The following NKAIN2 variants were observed in gnomAD, a reference collection of about 807,000 sequenced individuals.
NKAIN2 encodes the protein sodium/potassium transporting ATPase interacting 2, also known as sodium/potassium-transporting ATPase subunit beta-1-interacting protein 2.
NKAIN2 carries 14 observed loss-of-function variants against 32.6 expected under a neutral mutation model. That is an observed-to-expected ratio of 0.43 (90% CI 0.28 to 0.67). The LOEUF is 0.67. NKAIN2 is among the 30% of genes least tolerant of loss of function. NKAIN2 has a pLI of 0.17. For synonymous variants in NKAIN2, 80 were observed against 87.2 expected (o/e 0.92, Z 0.46); for missense variants, 198 against 258.3 (o/e 0.77, Z 1.60).
At chr6:124,555,425 C>T (rs979552220) in intron 3 of NKAIN2, among the ~76,000 whole-genome samples, 1 of 152,158 alleles carries the variant, frequency 6.6e-6, no homozygotes, top group Non-Finnish European at 1.5e-5. Flanking sequence ...TACAACATTC[C>T]CTCTAACTAT....
At chr6:124,243,074 A>ATAAAAG (rs1212871080) in intron 1 of NKAIN2, among the ~76,000 whole-genome samples, 11 of 151,772 alleles carry the variant, frequency 7.2e-5, no homozygotes, top group Non-Finnish European at 1.6e-4. Flanking sequence ...GTAAAAGGAG[A>ATAAAAG]TAAAAGTGAG....
chr6:124,132,541 C>G (rs1227936821), intron 1 of NKAIN2, among the ~76,000 whole-genome samples: 1 of 152,212 alleles, frequency 6.6e-6, no homozygotes, highest in East Asian at 1.9e-4. Context: ...TAACACTGGT[C>G]CCGGGAAAGA....
intron 3 of NKAIN2, among the ~76,000 whole-genome samples, chr6:124,656,751 C>T (rs761071310): frequency 7.2e-5 from 11 of 152,120 alleles, no homozygotes; most frequent in Middle Eastern, 3.2e-3. Context: ...AGAAAACCCA[C>T]GTTAGCTCTC....
chr6:124,780,932 C>T (rs1436111821), intron 4 of NKAIN2, among the ~76,000 whole-genome samples: 1 of 152,108 alleles, frequency 6.6e-6, no homozygotes, highest in African/African-American at 2.4e-5. Context: ...CTACATGCTC[C>T]AGGTTTCCCA....
Position 124,592,226 on chromosome 6 carries a change from C to A in NKAIN2, c.274-65960C>A, listed in dbSNP as rs189794252. 3.9e-5 allele frequency among the ~76,000 whole-genome samples: 6 copies of A among 152,180 alleles called. No individual in the cohort carries two copies. In the East Asian group the frequency reaches 7.7e-4, roughly 20 times the overall value. On this transcript the variant is annotated intron_variant, in intron 3 of 6. Transcript: ENST00000368417. ...AGCTTTGAGGACAAAACAAAAGAAA[C>A]AACAACAAAAAATACTTGAGGTTAT... is the stretch of plus-strand genomic sequence containing the variant.
chr6:123,875,347 T>G (rs1055099980), intron 1 of NKAIN2, among the ~76,000 whole-genome samples: 4 of 151,990 alleles, frequency 2.6e-5, no homozygotes, highest in Admixed American at 2.6e-4. Context: ...CCTTGTTAAT[T>G]TTTGCCAACT....
chr6:123,945,125 T>C (rs1182653839), intron 1 of NKAIN2, among the ~76,000 whole-genome samples: 1 of 152,102 alleles, frequency 6.6e-6, no homozygotes, highest in Non-Finnish European at 1.5e-5. Context: ...TGAACTCTAA[T>C]ATTTTCTTCC....
At chr6:124,072,520 T>A (rs1308487857) in intron 1 of NKAIN2, among the ~76,000 whole-genome samples, 1 of 152,102 alleles carries the variant, frequency 6.6e-6, no homozygotes. Context: ...GAAATTTCAT[T>A]TTCCCCTGTC....
chr6:123,886,446 C>A (rs923250390), intron 1 of NKAIN2, among the ~76,000 whole-genome samples: 2 of 152,044 alleles, frequency 1.3e-5, no homozygotes, highest in Admixed American at 1.3e-4. Context: ...ACCTTAGTAT[C>A]TAAGTCCTGT....
At chr6:124,575,136 T>G (rs2114926905) in intron 3 of NKAIN2, among the ~76,000 whole-genome samples, 1 of 152,306 alleles carries the variant, frequency 6.6e-6, no homozygotes, top group Middle Eastern at 3.4e-3. Context: ...TTTTGTAAGC[T>G]TTTTGTTTAA....
chr6:124,413,640 G>T (rs1774325336), intron 3 of NKAIN2, among the ~76,000 whole-genome samples: 1 of 152,200 alleles, frequency 6.6e-6, no homozygotes, highest in African/African-American at 2.4e-5. Flanking sequence ...AAGTTTGGGG[G>T]AACTGACATT....
At chr6:124,732,095 T>G (rs1443273236) in intron 4 of NKAIN2, among the ~76,000 whole-genome samples, 1 of 152,028 alleles carries the variant, frequency 6.6e-6, no homozygotes, top group East Asian at 1.9e-4. Flanking sequence ...ATTAAAGAAT[T>G]TATCATGAAA....
rs577058563 is a variant in NKAIN2 at position 124,680,441 on chromosome 6, C to T, written c.474+22055C>T. Reference sequence around the variant, plus strand: ...GAGAGCCTTTTAACATAGAACACTCCGTTTTAAAAATGTTTACCTGAGAAT... The same window carrying T: ...GAGAGCCTTTTAACATAGAACACTCTGTTTTAAAAATGTTTACCTGAGAAT... On this transcript the variant is annotated intron_variant, in intron 4 of 6. Coordinates refer to ENST00000368417, the MANE Select transcript of NKAIN2 (RefSeq NM_001040214.3). Among the ~76,000 whole-genome samples the T allele has an allele frequency of 3.9e-5, 6 of 152,094 alleles. 1 individual carries two copies. In the South Asian group the frequency reaches 1.0e-3, roughly 26 times the overall value.
At chr6:124,338,003 T>G (rs1227153875) in intron 2 of NKAIN2, among the ~76,000 whole-genome samples, 3 of 152,310 alleles carry the variant, frequency 2.0e-5, no homozygotes, top group South Asian at 2.1e-4. Context: ...ATGAATTTTT[T>G]CATGAAGCAC....
intron 1 of NKAIN2, among the ~76,000 whole-genome samples, chr6:124,059,106 T>C (rs149590286): frequency 1.5e-4 from 23 of 151,538 alleles, no homozygotes; most frequent in African/African-American, 5.6e-4. Context: ...AAAAAAAAAC[T>C]GACAAAGAAA....
chr6:123,974,137 A>G (rs1778452139), intron 1 of NKAIN2, among the ~76,000 whole-genome samples: 1 of 152,180 alleles, frequency 6.6e-6, no homozygotes, highest in South Asian at 2.1e-4. Context: ...CCTAATAAAG[A>G]AAGGAAATTG....
Position 123,948,914 on chromosome 6 carries a change from A to T in NKAIN2, c.54+144660A>T, listed in dbSNP as rs1431821019. Among the ~76,000 whole-genome samples, 2 of 151,790 alleles carry T rather than the reference A, an allele frequency of 1.3e-5. 1 individual carries two copies. Among genetic ancestry groups the T allele is most frequent in the Non-Finnish European group, 2.9e-5 (2 of 67,866 alleles). On this transcript the variant is annotated intron_variant, in intron 1 of 6. Transcript: ENST00000368417. ...TTTTAGGTCTCACATTTAAGTCTTTAATTCATCTTGAGTTGGTTTTCGGAT... is the reference window on the plus strand; with the variant it reads ...TTTTAGGTCTCACATTTAAGTCTTTTATTCATCTTGAGTTGGTTTTCGGAT...
intron 3 of NKAIN2, among the ~76,000 whole-genome samples, chr6:124,392,464 G>A (rs1376872822): frequency 6.6e-6 from 1 of 152,100 alleles, no homozygotes; most frequent in African/African-American, 2.4e-5. Flanking sequence ...CATAAGCAAA[G>A]CAGAGATTAA....
chr6:123,936,399 G>A (rs1776511869), intron 1 of NKAIN2, among the ~76,000 whole-genome samples: 1 of 151,852 alleles, frequency 6.6e-6, no homozygotes, highest in Non-Finnish European at 1.5e-5. Context: ...TTGAGATGTG[G>A]GACAAAATGC....
Sources: gnomAD v4.1 joint callset for allele counts (sites outside exome capture counted in the v4.1 genomes callset) on GRCh38, gnomAD v4.1.1 for gene constraint, MANE v1.5 for transcripts, NCBI Gene and HGNC (gene_info 2026-07-23, HGNC 2026-07-21) for gene names.